The following UTP25 variants were observed in gnomAD, a reference collection of about 807,000 sequenced individuals.
The protein encoded by UTP25 is U3 small nucleolar RNA-associated protein 25 homolog.
In UTP25, 50 loss-of-function variants were observed where a neutral mutation model predicts 78.9. That is an observed-to-expected ratio of 0.63 (90% CI 0.50 to 0.80). The LOEUF is 0.80. Ranked by LOEUF, UTP25 falls within the 30% of genes least tolerant of loss-of-function variation. The pLI is 0.00. For synonymous variants in UTP25, 329 were observed against 336.5 expected (o/e 0.98, Z 0.24); for missense variants, 846 against 911.3 (o/e 0.93, Z 0.92).
In UTP25 at chr1:209,856,625, A is replaced by T. The variant is rs1558060381; in HGVS notation, c.*5178A>T. 6.6e-6 allele frequency: 1 copy of T among 152,266 alleles called. No individual in the cohort carries two copies. The highest frequency in any genetic ancestry group is 1.9e-4 in the East Asian group (1 of 5,204). The allele number at this position is 152,266 out of a possible 1,614,324, so 9.4% of individuals were successfully genotyped here. A position where few individuals can be genotyped will look rare whatever the true frequency, so the allele number is the denominator to read the frequency against. ...AAACACCTAATTTGTTTAAGCCATT[A>T]GGCCAGGCCTCTATTAGCCATTCCT... On this transcript the variant is annotated 3_prime_UTR_variant, in exon 12 of 12. Coordinates refer to ENST00000491415, the MANE Select transcript of UTP25 (RefSeq NM_014388.7).
intron 2 of UTP25, 135 bp from the exon 3 acceptor site, chr1:209,830,668 A>C: frequency 7.2e-7 from 1 of 1,393,250 alleles, no homozygotes; most frequent in Non-Finnish European, 9.5e-7. Flanking sequence ...GAGCTTCTAG[A>C]ATCATAGCTA....
chr1:209,840,510 G>A (rs2078161050), intron 7 of UTP25, among the ~76,000 whole-genome samples: 2 of 152,180 alleles, frequency 1.3e-5, no homozygotes, highest in Admixed American at 1.3e-4. Flanking sequence ...GAGGACTGTG[G>A]GGACCTTAGC....
At chr1:209,848,688 T>C (rs2102582200) in intron 11 of UTP25, among the ~76,000 whole-genome samples, 1 of 152,336 alleles carries the variant, frequency 6.6e-6, no homozygotes, top group Admixed American at 6.5e-5. Context: ...GACAAAGTAA[T>C]TTATGCTCCA....
At chr1:209,838,732 G>A in intron 6 of UTP25, 177 bp from the exon 7 acceptor site, 1 of 681,888 alleles carries the variant, frequency 1.5e-6, no homozygotes, top group African/African-American at 1.8e-5. Context: ...GTTATGAAAG[G>A]TGCTCAGTTT....
At chr1:209,830,330 A>T (rs1243768445) in intron 2 of UTP25, among the ~76,000 whole-genome samples, 183 bp downstream of exon 2, 1 of 152,218 alleles carries the variant, frequency 6.6e-6, no homozygotes, top group Non-Finnish European at 1.5e-5. Flanking sequence ...TATCTAATAC[A>T]GAAGCCACAG....
intron 8 of UTP25, 53 bp downstream of exon 8, chr1:209,841,108 A>G: frequency 1.3e-6 from 2 of 1,588,990 alleles, no homozygotes; most frequent in Non-Finnish European, 1.7e-6. Context: ...TAGAGGGATA[A>G]GACACCCAGT....
At chr1:209,842,122 A>C (rs2102576835) in intron 8 of UTP25, 143 bp from the exon 9 acceptor site, 8 of 840,060 alleles carry the variant, frequency 9.5e-6, no homozygotes, top group Middle Eastern at 3.6e-4. Context: ...TGGGCAAGTC[A>C]CTCACCCATG....
intron 5 of UTP25, 90 bp downstream of exon 5, chr1:209,835,253 GAT>G: frequency 9.3e-7 from 1 of 1,075,216 alleles, no homozygotes; most frequent in Non-Finnish European, 1.4e-6. Flanking sequence ...CAGAATGTAT[GAT>G]ATACACCTGC....
intron 4 of UTP25, 100 bp from the exon 5 acceptor site, chr1:209,834,975 T>G: frequency 6.1e-5 from 53 of 862,372 alleles, no homozygotes; most frequent in East Asian, 1.5e-4. Flanking sequence ...GAGAAAAGGA[T>G]GAGTTAACAC....
At chr1:209,829,234 T>C (rs1218038016) in intron 1 of UTP25, among the ~76,000 whole-genome samples, 1 of 152,234 alleles carries the variant, frequency 6.6e-6, no homozygotes, top group African/African-American at 2.4e-5. Flanking sequence ...GTTGGGAACA[T>C]TGAAAATCCG....
chr1:209,838,874 T>C (rs1263391431), intron 6 of UTP25, 35 bp from the exon 7 acceptor site: 12 of 1,608,006 alleles, frequency 7.5e-6, no homozygotes, highest in African/African-American at 1.3e-5. Context: ...TTCCTTCCTC[T>C]TACCCCACTA....
intron 11 of UTP25, chr1:209,844,632 CAAAAAAAAAAA>C (rs66685915): frequency 1.1e-5 from 1 of 89,732 alleles, no homozygotes; most frequent in Admixed American, 1.2e-4. Flanking sequence ...AACTCCATCT[CAAAAAAAAAAA>C]AAAAAAAAAA....
intron 5 of UTP25, among the ~76,000 whole-genome samples, chr1:209,836,394 G>A (rs585191): frequency 0.38 from 57,731 of 151,740 alleles, 11,304 homozygotes; most frequent in Middle Eastern, 0.42. Flanking sequence ...AGTGTACATT[G>A]TCAATCTCCC....
chr1:209,834,818 C>T (rs947376053), intron 4 of UTP25, among the ~76,000 whole-genome samples: 2 of 152,090 alleles, frequency 1.3e-5, no homozygotes, highest in African/African-American at 4.8e-5. Context: ...GGAGGTATAT[C>T]CTAAAGTGCT....
rs537745859 is a variant in UTP25 at position 209,836,943 on chromosome 1, T to A, written c.794T>A (p.Leu265Gln). ...STWTKTNSQF[L>Q]SGPQKSSSPF... ...TGGACTAAGACCAACAGCCAGTTCC[T>A]ATCTGGTCCCCAAAAATCAAGCAGC... The change falls in exon 6 of 12, where the codon CTA (leucine) becomes CAA (glutamine). Residue 265 changes from leucine to glutamine, a missense_variant. By Grantham distance (113) the Leu-to-Gln change is moderately radical. Coordinates refer to ENST00000491415, the MANE Select transcript of UTP25 (RefSeq NM_014388.7). The A allele has an allele frequency of 6.2e-7, 1 of 1,614,156 alleles. No homozygotes were observed. The highest frequency in any genetic ancestry group is 1.3e-5 in the African/African-American group (1 of 75,028).
intron 10 of UTP25, chr1:209,842,976 C>CCTG: frequency 2.4e-6 from 1 of 413,718 alleles, no homozygotes; most frequent in South Asian, 3.5e-5. Context: ...CAGCTTTATG[C>CCTG]TACAAAGTGT....
intron 4 of UTP25, among the ~76,000 whole-genome samples, chr1:209,833,573 A>C (rs1490831220): frequency 1.3e-5 from 2 of 152,220 alleles, no homozygotes; most frequent in Non-Finnish European, 2.9e-5. Flanking sequence ...GAATGATGGT[A>C]GGGAAGGCCA....
At chr1:209,836,127 C>T (rs2078131640) in intron 5 of UTP25, among the ~76,000 whole-genome samples, 1 of 151,940 alleles carries the variant, frequency 6.6e-6, no homozygotes, top group Non-Finnish European at 1.5e-5. Context: ...TGTTAAATGA[C>T]TCATACAGCA....
chr1:209,838,365 AT>A (rs3834034), intron 6 of UTP25, among the ~76,000 whole-genome samples: 37 of 148,974 alleles, frequency 2.5e-4, no homozygotes, highest in African/African-American at 8.7e-4. Flanking sequence ...AATTGTGGTC[AT>A]TTTTTTTTAG....
Sources: gnomAD v4.1 joint callset for allele counts (sites outside exome capture counted in the v4.1 genomes callset) on GRCh38, gnomAD v4.1.1 for gene constraint, MANE v1.5 for transcripts, NCBI Gene and HGNC (gene_info 2026-07-23, HGNC 2026-07-21) for gene names.